SLC4A10: variants seen among roughly 807,000 people sequenced by gnomAD.
The protein encoded by SLC4A10 is solute carrier family 4 member 10.
A neutral mutation model predicts 137.7 loss-of-function variants in SLC4A10; 42 were observed. That is an observed-to-expected ratio of 0.30 (90% confidence interval 0.24 to 0.39). SLC4A10 has a LOEUF of 0.39. Ranked by LOEUF, SLC4A10 falls within the 10% of genes least tolerant of loss-of-function variation. SLC4A10 has a pLI of 1.00. For synonymous variants in SLC4A10, 474 were observed against 464.1 expected (o/e 1.02, Z -0.27); for missense variants, 925 against 1,355.0 (o/e 0.68, Z 4.98).
intron 2 of SLC4A10, among the ~76,000 whole-genome samples, chr2:161,779,751 T>C (rs1434147206): frequency 6.6e-6 from 1 of 152,054 alleles, no homozygotes; most frequent in East Asian, 1.9e-4. Context: ...GGCCAAATTT[T>C]TTCCTGCCAC....
intron 15 of SLC4A10, among the ~76,000 whole-genome samples, chr2:161,906,186 C>T (rs1223231722): frequency 6.6e-6 from 1 of 152,090 alleles, no homozygotes; most frequent in Non-Finnish European, 1.5e-5. Flanking sequence ...ACGAATTTTA[C>T]CTTAGCGAAA....
At chr2:161,760,696 T>C (rs575642884) in intron 1 of SLC4A10, among the ~76,000 whole-genome samples, 27 of 152,202 alleles carry the variant, frequency 1.8e-4, no homozygotes, top group Non-Finnish European at 3.5e-4. Context: ...ACTGACATTA[T>C]CTGAAAAAAC....
intron 15 of SLC4A10, among the ~76,000 whole-genome samples, chr2:161,926,779 G>A: frequency 6.7e-6 from 1 of 148,620 alleles, no homozygotes; most frequent in Non-Finnish European, 1.5e-5. Context: ...CTCAGCATTT[G>A]CTTGTCTGTA....
chr2:161,719,400 G>A (rs1203669440), intron 1 of SLC4A10, among the ~76,000 whole-genome samples: 1 of 152,052 alleles, frequency 6.6e-6, no homozygotes, highest in Admixed American at 6.6e-5. Flanking sequence ...ATGATTTATA[G>A]TCCTTTGGGT....
chr2:161,770,215 C>A (rs894051752), intron 1 of SLC4A10, among the ~76,000 whole-genome samples: 1 of 151,710 alleles, frequency 6.6e-6, no homozygotes, highest in South Asian at 2.1e-4. Context: ...CATTTTATTT[C>A]TTTCAGAATT....
intron 15 of SLC4A10, among the ~76,000 whole-genome samples, chr2:161,925,890 A>G (rs1688978485): frequency 6.6e-6 from 1 of 152,060 alleles, no homozygotes; most frequent in Non-Finnish European, 1.5e-5. Flanking sequence ...CCTGAGTTCT[A>G]GTTTGATTGC....
intron 6 of SLC4A10, among the ~76,000 whole-genome samples, chr2:161,871,478 C>G (rs2061119964): frequency 6.6e-6 from 1 of 151,908 alleles, no homozygotes. Context: ...TTACTGCAAA[C>G]AATGTTTCAT....
intron 4 of SLC4A10, among the ~76,000 whole-genome samples, chr2:161,844,779 A>T (rs1280039731): frequency 6.6e-6 from 1 of 152,092 alleles, no homozygotes; most frequent in Non-Finnish European, 1.5e-5. Flanking sequence ...TTAATCCTCA[A>T]AGAATTCATG....
chr2:161,751,267 T>C (rs1411792140), intron 1 of SLC4A10, among the ~76,000 whole-genome samples: 1 of 151,724 alleles, frequency 6.6e-6, no homozygotes, highest in South Asian at 2.1e-4. Context: ...AAGTAGTATT[T>C]ACTGTTGTCC....
intron 10 of SLC4A10, 129 bp from the exon 11 acceptor site, chr2:161,894,550 A>G (rs535631578): frequency 2.6e-6 from 1 of 383,290 alleles, no homozygotes. Flanking sequence ...AAACTTCTTT[A>G]GAGTCAGAGC....
At chr2:161,676,654 G>T (rs2040307382) in intron 1 of SLC4A10, among the ~76,000 whole-genome samples, 1 of 152,134 alleles carries the variant, frequency 6.6e-6, no homozygotes, top group South Asian at 2.1e-4. Flanking sequence ...GGAATGGGCT[G>T]TCCCTTTACT....
At chr2:161,886,631 T>A (rs992731754) in intron 10 of SLC4A10, among the ~76,000 whole-genome samples, 1 of 152,280 alleles carries the variant, frequency 6.6e-6, no homozygotes, top group African/African-American at 2.4e-5. Context: ...ACTGCTAAAT[T>A]TTTTTGTGTG....
chr2:161,651,622 C>G (rs1438770316), intron 1 of SLC4A10, among the ~76,000 whole-genome samples: 1 of 152,204 alleles, frequency 6.6e-6, no homozygotes. Context: ...CACCACATTC[C>G]CCAAGTCCAG....
rs74434778 is a variant in SLC4A10 at position 161,634,345 on chromosome 2, G to A, written c.48+9779G>A. ...AGGATATACATATCTTACTTCTGGT[G>A]ACATTAACTTTGATTATGGAGGTAT... On this transcript the variant is annotated intron_variant, in intron 1 of 26. Transcript: ENST00000446997. Among the ~76,000 whole-genome samples, 730 of 151,970 alleles carry A rather than the reference G, an allele frequency of 4.8e-3. 12 individuals carry two copies. Among genetic ancestry groups the A allele is most frequent in the Middle Eastern group, 0.02 (6 of 294 alleles).
chr2:161,698,792 G>A (rs1287355651), intron 1 of SLC4A10, among the ~76,000 whole-genome samples: 1 of 152,100 alleles, frequency 6.6e-6, no homozygotes, highest in Non-Finnish European at 1.5e-5. Context: ...TCTCTGCCAG[G>A]GTTTGATATC....
intron 1 of SLC4A10, among the ~76,000 whole-genome samples, chr2:161,651,979 C>T (rs1245944908): frequency 6.6e-6 from 1 of 152,230 alleles, no homozygotes; most frequent in East Asian, 1.9e-4. Flanking sequence ...CCCAAAGATC[C>T]TGTGACAATA....
At chr2:161,813,220 C>A (rs1040647417) in intron 3 of SLC4A10, among the ~76,000 whole-genome samples, 1 of 150,458 alleles carries the variant, frequency 6.6e-6, no homozygotes, top group African/African-American at 2.4e-5. Context: ...TCCTTTTTTT[C>A]TCATTTTTAA....
At chr2:161,756,966 C>T (rs185782743) in intron 1 of SLC4A10, among the ~76,000 whole-genome samples, 20 of 151,870 alleles carry the variant, frequency 1.3e-4, no homozygotes, top group Non-Finnish European at 2.2e-4. Flanking sequence ...GGCATGTAAA[C>T]GAGAAAAAAA....
chr2:161,672,111 G>A (rs527614446), intron 1 of SLC4A10, among the ~76,000 whole-genome samples: 12 of 152,072 alleles, frequency 7.9e-5, no homozygotes, highest in African/African-American at 2.7e-4. Context: ...ACCAAGAAGC[G>A]CAGTTGGGTG....
Sources: gnomAD v4.1 joint callset for allele counts (sites outside exome capture counted in the v4.1 genomes callset) on GRCh38, gnomAD v4.1.1 for gene constraint, MANE v1.5 for transcripts, NCBI Gene and HGNC (gene_info 2026-07-23, HGNC 2026-07-21) for gene names.